The following CFAP47 variants were observed in gnomAD, a reference collection of about 807,000 sequenced individuals.
The protein encoded by CFAP47 is cilia- and flagella-associated protein 47.
Under a neutral mutation model 148.1 loss-of-function variants are expected in CFAP47, and 29 were observed. The ratio of observed to expected loss-of-function variants is 0.20; its 90% CI spans 0.15 to 0.27. CFAP47 has a LOEUF of 0.27. CFAP47 is among the 10% of genes least tolerant of loss of function. CFAP47 has a pLI of 1.00. For synonymous variants in CFAP47, 664 were observed against 577.3 expected (o/e 1.15, Z -2.15); for missense variants, 1,872 against 1,697.5 (o/e 1.10, Z -1.81).
At chrX:36,015,725 T>C (rs780898126) in intron 22 of CFAP47, among the ~76,000 whole-genome samples, 1 of 111,814 alleles carries the variant, frequency 8.9e-6, no homozygotes, top group African/African-American at 3.2e-5. Flanking sequence ...AGAATTTCTT[T>C]TGGAAAGTAA....
chrX:36,290,692 T>C (rs1264899865), intron 51 of CFAP47, among the ~76,000 whole-genome samples: 2 of 112,430 alleles, frequency 1.8e-5, no homozygotes, highest in Admixed American at 1.9e-4. Flanking sequence ...AGTCATTGAA[T>C]ATCAAGGGGC....
intron 10 of CFAP47, among the ~76,000 whole-genome samples, chrX:35,968,293 C>A (rs1257376290): frequency 9.0e-6 from 1 of 110,860 alleles, no homozygotes; most frequent in Non-Finnish European, 1.9e-5. Flanking sequence ...CTTTGTTTGA[C>A]CCCCTTCAAA....
At chrX:36,050,835 G>A (rs1010910390) in intron 26 of CFAP47, among the ~76,000 whole-genome samples, 7 of 112,065 alleles carry the variant, frequency 6.2e-5, no homozygotes, top group South Asian at 3.7e-4. Context: ...TCCTGAGCCA[G>A]GTCCAGGGTA....
intron 40 of CFAP47, among the ~76,000 whole-genome samples, chrX:36,183,064 C>A (rs764005786): frequency 8.9e-6 from 1 of 112,626 alleles, no homozygotes; most frequent in South Asian, 3.7e-4. Context: ...AATCCCAGCA[C>A]TTTGGGAGGC....
At chrX:36,201,913 TC>T (rs1314482926) in intron 44 of CFAP47, among the ~76,000 whole-genome samples, 1 of 110,337 alleles carries the variant, frequency 9.1e-6, no homozygotes, top group East Asian at 2.8e-4. Flanking sequence ...TAGAATCATC[TC>T]TGGTGTCAGA....
At chrX:35,943,141 A>G (rs1381568045) in intron 3 of CFAP47, among the ~76,000 whole-genome samples, 1 of 111,928 alleles carries the variant, frequency 8.9e-6, no homozygotes, top group Admixed American at 9.5e-5. Flanking sequence ...CTTATCATCT[A>G]CAAGCAAAAT....
chrX:36,189,742 A>G (rs1939845914), intron 41 of CFAP47, among the ~76,000 whole-genome samples: 1 of 112,265 alleles, frequency 8.9e-6, no homozygotes, highest in African/African-American at 3.2e-5. Context: ...GAAACATTGC[A>G]TAGTCCACAC....
chrX:36,142,339 AT>A (rs1376793570), intron 35 of CFAP47, among the ~76,000 whole-genome samples: 22 of 110,812 alleles, frequency 2.0e-4, no homozygotes, highest in African/African-American at 6.2e-4. Flanking sequence ...AGATTTATTG[AT>A]TTTTTTGTTA....
chrX:36,302,146 A>G (rs1339557595), intron 53 of CFAP47, among the ~76,000 whole-genome samples: 1 of 109,917 alleles, frequency 9.1e-6, no homozygotes, highest in African/African-American at 3.3e-5. Flanking sequence ...CTTACCAAAA[A>G]ATGATGGGAA....
At chrX:36,299,941 A>G (rs1206493650) in intron 52 of CFAP47, among the ~76,000 whole-genome samples, 1 of 112,356 alleles carries the variant, frequency 8.9e-6, no homozygotes, top group Non-Finnish European at 1.9e-5. Context: ...GAAAATAAGA[A>G]TATAACATGA....
chrX:36,237,145 A>G (rs1555994883), intron 48 of CFAP47, among the ~76,000 whole-genome samples: 1 of 111,759 alleles, frequency 8.9e-6, no homozygotes. Context: ...AAAATTGTAC[A>G]TGATAATAAA....
rs1383531067 is a variant in CFAP47 at position 36,376,702 on chromosome X, C to A, written c.9186-2648C>A. 2.7e-5 allele frequency among the ~76,000 whole-genome samples: 3 copies of A among 110,593 alleles called. No individual in the cohort carries two copies. The East Asian group carries it at 8.6e-4, about 32-fold the overall frequency. Reference sequence around the variant, plus strand: ...GGTTTGTTACATATGTATACATGTGCCATGCTGGTGTGCTGCACCCATTAA... The same window carrying A: ...GGTTTGTTACATATGTATACATGTGACATGCTGGTGTGCTGCACCCATTAA... On this transcript the variant is annotated intron_variant, in intron 62 of 63. Coordinates refer to ENST00000378653, the MANE Select transcript of CFAP47 (RefSeq NM_001304548.2).
At chrX:36,269,307 C>G (rs1940931172) in intron 49 of CFAP47, among the ~76,000 whole-genome samples, 1 of 111,946 alleles carries the variant, frequency 8.9e-6, no homozygotes, top group Non-Finnish European at 1.9e-5. Context: ...CAATTTGATA[C>G]CAATGAGACA....
At chrX:36,364,712 G>A (rs1941857327) in intron 61 of CFAP47, among the ~76,000 whole-genome samples, 2 of 107,867 alleles carry the variant, frequency 1.9e-5, no homozygotes, top group Admixed American at 2.0e-4. Flanking sequence ...AATAAGTTTG[G>A]AGAATTTTAC....
chrX:36,101,069 T>A (rs757686280), intron 32 of CFAP47, among the ~76,000 whole-genome samples: 2 of 111,232 alleles, frequency 1.8e-5, no homozygotes, highest in African/African-American at 6.5e-5. Context: ...ACCATCAACC[T>A]GAACTATCTT....
chrX:36,271,820 A>G (rs781968663), intron 49 of CFAP47, among the ~76,000 whole-genome samples: 35 of 111,611 alleles, frequency 3.1e-4, no homozygotes, highest in Non-Finnish European at 3.6e-4. Context: ...TGGTGAAATC[A>G]TTGATGCTTT....
intron 37 of CFAP47, among the ~76,000 whole-genome samples, chrX:36,149,551 A>AGTAT (rs1314220065): frequency 9.1e-6 from 1 of 109,537 alleles, no homozygotes; most frequent in Non-Finnish European, 1.9e-5. Context: ...GCATTCTAAA[A>AGTAT]GTATGTATGT....
At chrX:36,261,172 T>G (rs10126440) in intron 49 of CFAP47, among the ~76,000 whole-genome samples, 32,108 of 100,032 alleles carry the variant, frequency 0.32, 7,046 homozygotes, top group African/African-American at 0.73. Flanking sequence ...TCCCCTTCAG[T>G]TCACTGACAG....
intron 49 of CFAP47, among the ~76,000 whole-genome samples, chrX:36,277,518 A>G (rs1305686665): frequency 1.8e-5 from 2 of 112,283 alleles, no homozygotes; most frequent in Non-Finnish European, 3.8e-5. Flanking sequence ...TCTAAGGCCT[A>G]GAATTTAAAA....
Sources: gnomAD v4.1 joint callset for allele counts (sites outside exome capture counted in the v4.1 genomes callset) on GRCh38, gnomAD v4.1.1 for gene constraint, MANE v1.5 for transcripts, NCBI Gene and HGNC (gene_info 2026-07-23, HGNC 2026-07-21) for gene names.